The following KMT2E variants were observed in gnomAD, a reference collection of about 807,000 sequenced individuals.
KMT2E encodes histone reader KMT2E.
KMT2E carries 30 observed loss-of-function variants against 184.6 expected under a neutral mutation model. The observed-to-expected ratio is 0.16, with a 90% confidence interval of 0.12 to 0.22. KMT2E has a LOEUF of 0.22. Among genes scored for constraint, KMT2E ranks in the 10% least tolerant of loss-of-function variants. The pLI, the probability that KMT2E is intolerant of heterozygous loss-of-function variation, is 1.00. For missense variants in KMT2E, 2,023 were observed against 2,237.4 expected (o/e 0.90, Z 1.93); for synonymous variants, 815 against 776.5 (o/e 1.05, Z -0.82).
intron 1 of KMT2E, among the ~76,000 whole-genome samples, chr7:105,016,767 G>A (rs182464613): frequency 2.7e-4 from 41 of 152,266 alleles, no homozygotes; most frequent in African/African-American, 9.9e-4. Flanking sequence ...AGTATACACT[G>A]TTTCATGATT....
At chr7:105,099,390 T>C (rs969699129) in intron 15 of KMT2E, among the ~76,000 whole-genome samples, 1 of 152,220 alleles carries the variant, frequency 6.6e-6, no homozygotes, top group African/African-American at 2.4e-5. Flanking sequence ...TTCAGCAGTA[T>C]TGGACCACAT....
At chr7:105,023,579 G>A (rs908080496) in intron 1 of KMT2E, among the ~76,000 whole-genome samples, 18 of 151,590 alleles carry the variant, frequency 1.2e-4, no homozygotes, top group Non-Finnish European at 2.9e-5. Flanking sequence ...CTAGTAGCAG[G>A]GACTACAGGT....
intron 1 of KMT2E, among the ~76,000 whole-genome samples, chr7:105,029,996 C>G (rs1272062550): frequency 6.6e-6 from 1 of 152,142 alleles, no homozygotes; most frequent in Non-Finnish European, 1.5e-5. Context: ...GTATCCTAGC[C>G]ACTGAATTAC....
chr7:105,055,446 C>T (rs967974178), intron 3 of KMT2E, among the ~76,000 whole-genome samples: 3 of 152,272 alleles, frequency 2.0e-5, no homozygotes, highest in Admixed American at 1.3e-4. Context: ...ATTCTCATCT[C>T]TGGCACATCC....
intron 3 of KMT2E, among the ~76,000 whole-genome samples, chr7:105,049,378 A>C (rs1490642782): frequency 6.6e-6 from 1 of 152,004 alleles, no homozygotes; most frequent in Non-Finnish European, 1.5e-5. Flanking sequence ...TGGGAGGTCT[A>C]GGCTGCAGTG....
chr7:105,046,765 A>G (rs1280426622), intron 3 of KMT2E, among the ~76,000 whole-genome samples: 1 of 152,240 alleles, frequency 6.6e-6, no homozygotes, highest in African/African-American at 2.4e-5. Context: ...ATGTAAATAC[A>G]TCAAAATTTA....
At chr7:105,035,298 C>CT (rs2129564882) in intron 1 of KMT2E, among the ~76,000 whole-genome samples, 1 of 151,826 alleles carries the variant, frequency 6.6e-6, no homozygotes, top group East Asian at 1.9e-4. Context: ...TCCCAAAGTG[C>CT]TGGGATTACA....
In KMT2E at chr7:105,112,856, C is replaced by T; in HGVS notation, c.5100C>T (p.Leu1700=). ...HHPPPHPSTG[L]QGLQAQHQHV... ...CACCACCCCATCCATCCACAGGACT[C>T]CAAGGTCTACAAGCACAACACCAGC... The change falls in exon 27 of 27, where the codon CTC becomes CTT. Residue 1700 remains leucine, a synonymous_variant. Transcript: ENST00000311117. 1 of 1,581,446 alleles carries T rather than the reference C, an allele frequency of 6.3e-7. No individual in the cohort carries two copies. The highest frequency in any genetic ancestry group is 8.6e-7 in the Non-Finnish European group (1 of 1,161,176).
intron 14 of KMT2E, among the ~76,000 whole-genome samples, 181 bp downstream of exon 14, chr7:105,090,454 A>G (rs1229819751): frequency 4.6e-5 from 7 of 152,218 alleles, no homozygotes. Flanking sequence ...TATTTGTTGA[A>G]TTATTAAGAA....
chr7:105,072,519 T>C (rs560834414), intron 6 of KMT2E, among the ~76,000 whole-genome samples: 40 of 152,294 alleles, frequency 2.6e-4, no homozygotes, highest in Admixed American at 8.5e-4. Flanking sequence ...GAGAATAATA[T>C]GTTATCTGAC....
intron 1 of KMT2E, among the ~76,000 whole-genome samples, chr7:105,034,183 A>T (rs1246309081): frequency 1.3e-5 from 2 of 152,122 alleles, no homozygotes; most frequent in Non-Finnish European, 2.9e-5. Context: ...AGTTTCCCTC[A>T]ATGGTAAAGT....
intron 25 of KMT2E, 31 bp downstream of exon 25, chr7:105,110,633 C>A: frequency 6.2e-7 from 1 of 1,613,074 alleles, no homozygotes; most frequent in Non-Finnish European, 8.5e-7. Flanking sequence ...TAATGTTATT[C>A]TTAACAAATT....
At position 105,112,307 on chromosome 7, in the gene KMT2E, A is replaced by AT; in HGVS notation, c.4553dup (p.Leu1518PhefsTer18). The AT allele has an allele frequency of 6.2e-7, 1 of 1,613,986 alleles. No homozygotes were observed. The highest frequency in any genetic ancestry group is 8.5e-7 in the Non-Finnish European group (1 of 1,180,030). ...ATACTCAGCAGGCAACTTCTGGAAC[A>AT]TTATTTACACAGACACCCTCAGGAC... On this transcript the variant is annotated frameshift_variant, in exon 27 of 27. Coordinates refer to ENST00000311117, the MANE Select transcript of KMT2E (RefSeq NM_182931.3). LOFTEE classifies it high-confidence loss of function.
In KMT2E at chr7:105,063,059, G is replaced by A. The variant is rs1796886875; in HGVS notation, c.187-292G>A. Among the ~76,000 whole-genome samples the A allele has an allele frequency of 2.1e-5, 3 of 145,560 alleles. No individual in the cohort carries two copies. In the South Asian group the frequency reaches 6.6e-4, roughly 32 times the overall value. On this transcript the variant is annotated intron_variant, in intron 4 of 26. Coordinates refer to ENST00000311117, the MANE Select transcript of KMT2E (RefSeq NM_182931.3). ...CTTAATACCTTCTTTCATCTTGGAG[G>A]TGGAGCTATGTATGTGACCATAGGA...
chr7:105,022,479 T>C (rs979262654), intron 1 of KMT2E, among the ~76,000 whole-genome samples: 1 of 152,192 alleles, frequency 6.6e-6, no homozygotes, highest in Admixed American at 6.5e-5. Context: ...TGGAGGCATA[T>C]GATGTTTGTT....
chr7:105,082,989 G>A (rs1797817576), intron 13 of KMT2E, among the ~76,000 whole-genome samples: 1 of 152,144 alleles, frequency 6.6e-6, no homozygotes, highest in South Asian at 2.1e-4. Flanking sequence ...CTGGTGTGGT[G>A]TCTATTAGCT....
rs770257966 is a variant in KMT2E, at chr7:105,066,795, G to A, written c.485G>A (p.Arg162His). Reference protein sequence around the residue: ...QHIPDTYLCERCQPRNLDKER... With the variant: ...QHIPDTYLCEHCQPRNLDKER... ...ATTCCTGATACATATCTATGTGAAC[G>A]TTGTCAGCCTAGGTAAGTTGCACAT... Residue 162 changes from arginine (R) to histidine (H), a missense_variant, in exon 6 of 27, where the codon CGT (arginine) becomes CAT (histidine). This residue lies in a region of KMT2E where 30 missense variants were observed against 80.6 expected (regional missense o/e 0.37). Transcript: ENST00000311117. The A allele has an allele frequency of 5.6e-6, 9 of 1,609,516 alleles. No homozygotes were observed. In the East Asian group the frequency reaches 1.1e-4, roughly 20 times the overall value.
In KMT2E at chr7:105,112,721, A is replaced by G. The variant is rs772012045; in HGVS notation, c.4965A>G (p.Val1655=). 1.2e-6 allele frequency: 2 copies of G among 1,613,878 alleles called. No individual in the cohort carries two copies. The highest frequency in any genetic ancestry group is 1.7e-6 in the Non-Finnish European group (2 of 1,179,940). Reference sequence around the variant, plus strand: ...ATCAGCAACACTCTGTAGCACATGTAGTAGGGCCTGTTCATGCGGTCACCC... The same window carrying G: ...ATCAGCAACACTCTGTAGCACATGTGGTAGGGCCTGTTCATGCGGTCACCC... ...NSHQQHSVAH[V]VGPVHAVTPG... is the part of the protein sequence containing the mutation. The change falls in exon 27 of 27, where the codon GTA becomes GTG. Residue 1655 remains valine (V), a synonymous_variant. Transcript: ENST00000311117.
chr7:105,035,489 T>C (rs74319063), intron 1 of KMT2E, among the ~76,000 whole-genome samples: 77 of 151,752 alleles, frequency 5.1e-4, no homozygotes, highest in Middle Eastern at 6.8e-3. Flanking sequence ...TTTTTTTTTT[T>C]CCACTCAGCA....
Sources: gnomAD v4.1 joint callset for allele counts (sites outside exome capture counted in the v4.1 genomes callset) on GRCh38, gnomAD v4.1.1 for gene constraint, gnomAD v4.1.1 regional missense constraint, MANE v1.5 for transcripts, NCBI Gene and HGNC (gene_info 2026-07-23, HGNC 2026-07-21) for gene names.